DOCK7: variants seen among roughly 807,000 people sequenced by gnomAD.
DOCK7 encodes the protein dedicator of cytokinesis protein 7.
In DOCK7, 138 loss-of-function variants were observed where a neutral mutation model predicts 271.0. The ratio of observed to expected loss-of-function variants is 0.51; its 90% CI spans 0.44 to 0.59. The LOEUF is 0.59. Ranked by LOEUF, DOCK7 falls within the 20% of genes least tolerant of loss-of-function variation. DOCK7 has a pLI of 0.00. For synonymous variants in DOCK7, 823 were observed against 876.1 expected (o/e 0.94, Z 1.07); for missense variants, 2,066 against 2,592.4 (o/e 0.80, Z 4.41).
chr1:62,614,208 T>C (rs1652160193), intron 14 of DOCK7, among the ~76,000 whole-genome samples: 1 of 152,094 alleles, frequency 6.6e-6, no homozygotes, highest in South Asian at 2.1e-4. Context: ...TTATGGAACT[T>C]TCTGTAAATT....
chr1:62,471,877 A>G (rs966529641), intron 48 of DOCK7, among the ~76,000 whole-genome samples: 8 of 152,222 alleles, frequency 5.3e-5, no homozygotes, highest in African/African-American at 1.9e-4. Context: ...TGACTACAGT[A>G]TATTAATTTG....
chr1:62,575,478 AC>A, intron 18 of DOCK7, among the ~76,000 whole-genome samples: 1 of 152,256 alleles, frequency 6.6e-6, no homozygotes, highest in African/African-American at 2.4e-5. Context: ...CCTCTATATC[AC>A]TTTAAGAATA....
In DOCK7 at chr1:62,501,900, T is replaced by C. The variant is rs75260066; in HGVS notation, c.4764+2730A>G. ...CTGAAAAACTTTTAATATAATCTTT[T>C]AGCTTAAATAAACTATAATGTATCA... On this transcript the variant is annotated intron_variant, in intron 37 of 49. Transcript: ENST00000635253. 2.7e-3 allele frequency among the ~76,000 whole-genome samples: 412 copies of C among 152,264 alleles called. 9 individuals are homozygous for C. The East Asian group carries it at 0.064, about 24-fold the overall frequency.
chr1:62,475,286 A>C lies in DOCK7; in HGVS notation c.6027T>G (p.Phe2009Leu), dbSNP rs1645937113. The change falls in exon 47 of 50, where the codon TTT (phenylalanine) becomes TTG (leucine). Residue 2009 changes from phenylalanine (F) to leucine (L), a missense_variant. This residue lies in a region of DOCK7 where 652 missense variants were observed against 922.1 expected (regional missense o/e 0.71). Transcript: ENST00000635253. Reference sequence around the variant, plus strand: ...GGTCTGCGGGATCCTGATGTGTTGCAAATGCCAACTCCTGTGTCTTTTTCT... The same window carrying C: ...GGTCTGCGGGATCCTGATGTGTTGCCAATGCCAACTCCTGTGTCTTTTTCT... ...DMQKKTQELA[F>L]ATHQDPADPK... The C allele has an allele frequency of 6.2e-7, 1 of 1,613,966 alleles. No homozygotes were observed. The highest frequency in any genetic ancestry group is 8.5e-7 in the Non-Finnish European group (1 of 1,179,954).
At chr1:62,485,453 A>G (rs933275201) in intron 43 of DOCK7, 1 of 985,296 alleles carries the variant, frequency 1.0e-6, no homozygotes, top group African/African-American at 1.7e-5. Flanking sequence ...ATAAGCCCAG[A>G]TGGGGTTTTC....
chr1:62,518,768 T>C (rs1458314349), intron 31 of DOCK7, among the ~76,000 whole-genome samples: 1 of 141,122 alleles, frequency 7.1e-6, no homozygotes, highest in Non-Finnish European at 1.6e-5. Flanking sequence ...AAGAAGTCAA[T>C]AAAAGAGAGA....
intron 43 of DOCK7, chr1:62,481,967 T>C (rs1293979527): frequency 6.6e-6 from 1 of 152,232 alleles, no homozygotes; most frequent in African/African-American, 2.4e-5. Flanking sequence ...ATGGTGATCT[T>C]TCTTTCCTTC....
intron 6 of DOCK7, 64 bp downstream of exon 6, chr1:62,648,042 C>G: frequency 6.8e-7 from 1 of 1,460,204 alleles, no homozygotes; most frequent in East Asian, 2.3e-5. Context: ...TACTATATAT[C>G]AATCATAATC....
intron 14 of DOCK7, among the ~76,000 whole-genome samples, chr1:62,614,551 C>T (rs1221225105): frequency 6.6e-6 from 1 of 151,922 alleles, no homozygotes; most frequent in East Asian, 1.9e-4. Flanking sequence ...ATGCCTAGTA[C>T]CCTCATGCTT....
At chr1:62,666,594 A>G (rs565555657) in intron 1 of DOCK7, among the ~76,000 whole-genome samples, 2 of 152,220 alleles carry the variant, frequency 1.3e-5, no homozygotes, top group Admixed American at 6.5e-5. Context: ...CTTCCCAAAT[A>G]AAAAAACTCT....
intron 43 of DOCK7, chr1:62,478,436 T>C (rs1423756115): frequency 6.6e-6 from 1 of 152,152 alleles, no homozygotes; most frequent in African/African-American, 2.4e-5. Flanking sequence ...ATTATTTAGA[T>C]GGCGTCTCAC....
chr1:62,602,184 C>G, intron 14 of DOCK7: 2 of 958,028 alleles, frequency 2.1e-6, no homozygotes, highest in Non-Finnish European at 3.3e-6. Context: ...AATAAACTAC[C>G]TTACAAAACC....
chr1:62,687,871 G>A (rs1211071690), intron 1 of DOCK7, among the ~76,000 whole-genome samples: 2 of 152,176 alleles, frequency 1.3e-5, no homozygotes, highest in Admixed American at 1.3e-4. Context: ...CGAGCCCGGG[G>A]GTGGGAACAC....
intron 14 of DOCK7, among the ~76,000 whole-genome samples, chr1:62,603,508 C>A (rs1650469277): frequency 6.6e-6 from 1 of 151,554 alleles, no homozygotes; most frequent in Non-Finnish European, 1.5e-5. Flanking sequence ...ATACATTAAG[C>A]AAATACCAAA....
At chr1:62,624,559 T>C (rs1653696714) in intron 12 of DOCK7, among the ~76,000 whole-genome samples, 1 of 152,212 alleles carries the variant, frequency 6.6e-6, no homozygotes, top group Non-Finnish European at 1.5e-5. Context: ...ATTTCACATA[T>C]TATGAATATG....
intron 31 of DOCK7, among the ~76,000 whole-genome samples, chr1:62,525,758 G>A (rs1302030398): frequency 2.0e-5 from 3 of 152,058 alleles, no homozygotes; most frequent in Admixed American, 6.5e-5. Flanking sequence ...CACCAAAAGT[G>A]CAATTGATAA....
intron 43 of DOCK7, 143 bp from the exon 44 acceptor site, chr1:62,477,968 G>T: frequency 1.0e-6 from 1 of 955,342 alleles, no homozygotes; most frequent in Non-Finnish European, 1.4e-6. Context: ...TTTAAATGAA[G>T]GTTTAAACAA....
At chr1:62,612,599 G>A (rs1484300823) in intron 14 of DOCK7, among the ~76,000 whole-genome samples, 3 of 152,008 alleles carry the variant, frequency 2.0e-5, no homozygotes, top group African/African-American at 7.2e-5. Context: ...ATTAATTTTA[G>A]GTGTAGGTGT....
chr1:62,519,014 C>CACACACAT (rs1644763695), intron 31 of DOCK7, among the ~76,000 whole-genome samples: 2 of 151,686 alleles, frequency 1.3e-5, no homozygotes, highest in African/African-American at 4.8e-5. Context: ...TATACACACA[C>CACACACAT]ACACACACAC....
Sources: allele counts gnomAD v4.1 joint callset (sites outside exome capture counted in the v4.1 genomes callset), GRCh38; gene constraint gnomAD v4.1.1; regional missense constraint gnomAD v4.1.1; transcripts MANE v1.5; gene names NCBI Gene and HGNC (gene_info 2026-07-23, HGNC 2026-07-21).